PDE4D: variants seen among roughly 807,000 people sequenced by gnomAD.
PDE4D encodes the protein phosphodiesterase 4D, also known as 3',5'-cyclic-AMP phosphodiesterase 4D.
In PDE4D, 24 loss-of-function variants were observed where a neutral mutation model predicts 87.4. The ratio of observed to expected loss-of-function variants is 0.27; its 90% confidence interval spans 0.20 to 0.39. PDE4D has a LOEUF of 0.39. PDE4D is among the 10% of genes least tolerant of loss of function. The pLI is 1.00. For missense variants in PDE4D, 714 were observed against 1,041.0 expected, an observed-to-expected ratio of 0.69 and a Z score of 4.32; for synonymous variants, 384 against 383.2, an observed-to-expected ratio of 1.00 and a Z score of -0.02.
intron 1 of PDE4D, among the ~76,000 whole-genome samples, chr5:59,254,753 TC>T (rs1760630887): frequency 6.6e-6 from 1 of 152,144 alleles, no homozygotes; most frequent in Admixed American, 6.6e-5. Flanking sequence ...TACCTCAGAT[TC>T]CAAACGTGTA....
At chr5:60,441,715 T>C (rs1745230051) in intron 1 of PDE4D, among the ~76,000 whole-genome samples, 1 of 152,094 alleles carries the variant, frequency 6.6e-6, no homozygotes, top group Non-Finnish European at 1.5e-5. Flanking sequence ...ATTCAGAATC[T>C]ACAAGGAACT....
rs192797724 is a variant in PDE4D at position 59,125,263 on chromosome 5, C to A, written c.808+55332G>T. On this transcript the variant is annotated intron_variant, in intron 5 of 14. Coordinates refer to ENST00000340635, the MANE Select transcript of PDE4D (RefSeq NM_001104631.2). ...TTGCTTCTTCCCTATGAAGTACAGC[C>A]AGACCTTAGGGAAAATCTCAACTAT... 7.1e-6 allele frequency: 7 copies of A among 984,668 alleles called. No individual in the cohort carries two copies. In the Admixed American group the frequency reaches 3.7e-4, roughly 52 times the overall value. The allele number at this position is 984,668 out of a possible 1,614,324, so 61.0% of individuals were successfully genotyped here.
At chr5:60,031,630 A>C (rs1409933893) in intron 2 of PDE4D, among the ~76,000 whole-genome samples, 1 of 152,216 alleles carries the variant, frequency 6.6e-6, no homozygotes, top group Non-Finnish European at 1.5e-5. Context: ...ATTTCAATCT[A>C]TCTTTTTACC....
intron 1 of PDE4D, among the ~76,000 whole-genome samples, chr5:59,787,263 C>T (rs1765276229): frequency 6.6e-6 from 1 of 152,200 alleles, no homozygotes; most frequent in Non-Finnish European, 1.5e-5. Flanking sequence ...AACTTCGTCT[C>T]AGGGGACTGG....
chr5:59,613,361 T>A (rs1829244036), intron 1 of PDE4D, among the ~76,000 whole-genome samples: 1 of 152,160 alleles, frequency 6.6e-6, no homozygotes, highest in Admixed American at 6.6e-5. Context: ...AGAGGAGACA[T>A]CATGGTGGAA....
At chr5:60,087,449 T>C (rs565489574) in intron 2 of PDE4D, among the ~76,000 whole-genome samples, 5 of 151,784 alleles carry the variant, frequency 3.3e-5, no homozygotes, top group Non-Finnish European at 7.4e-5. Flanking sequence ...AGGCAGAAAA[T>C]TCAGAATAAT....
chr5:59,380,928 G>C (rs545921606), intron 1 of PDE4D, among the ~76,000 whole-genome samples: 2 of 152,078 alleles, frequency 1.3e-5, no homozygotes, highest in Non-Finnish European at 2.9e-5. Flanking sequence ...ATTCATTACA[G>C]ATTGTCTACA....
intron 1 of PDE4D, among the ~76,000 whole-genome samples, chr5:59,534,868 G>C (rs1561145845): frequency 6.6e-6 from 1 of 152,172 alleles, no homozygotes; most frequent in Non-Finnish European, 1.5e-5. Context: ...AGCAGTAGTG[G>C]TGGTGATGGA....
intron 1 of PDE4D, among the ~76,000 whole-genome samples, chr5:59,769,348 GAT>G (rs918588501): frequency 6.6e-6 from 1 of 152,166 alleles, no homozygotes; most frequent in African/African-American, 2.4e-5. Flanking sequence ...ACTCACAAAT[GAT>G]ATGTTTTCTC....
chr5:59,258,373 T>G (rs1761364987), intron 1 of PDE4D, among the ~76,000 whole-genome samples: 1 of 151,960 alleles, frequency 6.6e-6, no homozygotes, highest in Non-Finnish European at 1.5e-5. Flanking sequence ...AATAATTTTA[T>G]TTAGTGAATT....
intron 1 of PDE4D, among the ~76,000 whole-genome samples, chr5:59,783,081 A>C (rs1282472484): frequency 6.6e-6 from 1 of 152,202 alleles, no homozygotes; most frequent in East Asian, 1.9e-4. Flanking sequence ...GAGATTCTAG[A>C]AACAATGTCT....
At chr5:60,035,803 A>G (rs1767732686) in intron 2 of PDE4D, among the ~76,000 whole-genome samples, 1 of 152,162 alleles carries the variant, frequency 6.6e-6, no homozygotes, top group Non-Finnish European at 1.5e-5. Context: ...TGCCAAAGCA[A>G]TTAGAGATGT....
intron 1 of PDE4D, among the ~76,000 whole-genome samples, chr5:60,306,897 A>G (rs891784825): frequency 6.6e-6 from 1 of 152,118 alleles, no homozygotes; most frequent in Admixed American, 6.5e-5. Flanking sequence ...TTGTATAAGA[A>G]GTAAGTTATT....
intron 1 of PDE4D, among the ~76,000 whole-genome samples, chr5:60,356,039 T>A (rs188038106): frequency 2.6e-5 from 4 of 152,156 alleles, no homozygotes; most frequent in Non-Finnish European, 5.9e-5. Context: ...AAGTTCTCTC[T>A]CACATTTAGT....
intron 1 of PDE4D, among the ~76,000 whole-genome samples, chr5:59,466,056 C>G (rs1378107817): frequency 6.6e-6 from 1 of 152,046 alleles, no homozygotes; most frequent in South Asian, 2.1e-4. Flanking sequence ...TAGGATGATC[C>G]TATTTTGAAG....
At chr5:60,421,400 G>C (rs1417844028) in intron 1 of PDE4D, among the ~76,000 whole-genome samples, 1 of 152,212 alleles carries the variant, frequency 6.6e-6, no homozygotes, top group Non-Finnish European at 1.5e-5. Context: ...CAGGCAAATA[G>C]GATCTGGAGT....
intron 1 of PDE4D, among the ~76,000 whole-genome samples, chr5:60,337,530 T>C (rs1486402768): frequency 6.6e-6 from 1 of 151,500 alleles, no homozygotes; most frequent in Non-Finnish European, 1.5e-5. Flanking sequence ...ATTCTGGTGG[T>C]ATACACATGA....
intron 1 of PDE4D, among the ~76,000 whole-genome samples, chr5:60,438,167 C>G (rs528005642): frequency 6.6e-6 from 1 of 152,062 alleles, no homozygotes; most frequent in Non-Finnish European, 1.5e-5. Context: ...GCAATTATTA[C>G]GGGAAAGCCA....
intron 1 of PDE4D, among the ~76,000 whole-genome samples, chr5:59,665,179 A>G (rs1745871107): frequency 6.6e-6 from 1 of 152,238 alleles, no homozygotes; most frequent in South Asian, 2.1e-4. Flanking sequence ...AAACTTGAGT[A>G]TGCACATTGA....
Sources: gnomAD v4.1 joint callset for allele counts (sites outside exome capture counted in the v4.1 genomes callset) on GRCh38, gnomAD v4.1.1 for gene constraint, MANE v1.5 for transcripts, NCBI Gene and HGNC (gene_info 2026-07-23, HGNC 2026-07-21) for gene names.